The following DHX9 variants were observed in gnomAD, a reference collection of about 807,000 sequenced individuals.
DHX9 encodes the protein ATP-dependent RNA helicase A.
Under a neutral mutation model 148.7 loss-of-function variants are expected in DHX9, and 27 were observed. That is an observed-to-expected ratio of 0.18 (90% CI 0.13 to 0.25). The LOEUF (loss-of-function observed/expected upper bound fraction) is 0.25, where lower values mean the gene tolerates loss of function less well. Among genes scored for constraint, DHX9 ranks in the 10% least tolerant of loss-of-function variants. The pLI, the probability that DHX9 is intolerant of heterozygous loss-of-function variation, is 1.00. For missense variants in DHX9, 796 were observed against 1,559.6 expected (o/e 0.51, Z 8.25); for synonymous variants, 529 against 516.6 (o/e 1.02, Z -0.33).
At chr1:182,842,777 T>G in intron 2 of DHX9, 100 bp downstream of exon 2, 1 of 845,384 alleles carries the variant, frequency 1.2e-6, no homozygotes, top group South Asian at 1.9e-5. Flanking sequence ...TGTTGCACAT[T>G]AGGAAACGAC....
intron 14 of DHX9, among the ~76,000 whole-genome samples, chr1:182,868,407 T>A (rs548041145): frequency 6.6e-6 from 1 of 152,154 alleles, no homozygotes; most frequent in Non-Finnish European, 1.5e-5. Flanking sequence ...TTAACTGTTA[T>A]GCTTGAAATG....
In DHX9 at chr1:182,853,328, C is replaced by T. The variant is rs1355410426; in HGVS notation, c.387C>T (p.Ala129=). 1.9e-6 allele frequency: 3 copies of T among 1,612,990 alleles called. No individual in the cohort carries two copies. The highest frequency in any genetic ancestry group is 2.2e-5 in the East Asian group (1 of 44,846). Residue 129 remains alanine (A), a synonymous_variant, in exon 5 of 28, where the codon GCC becomes GCT. Coordinates refer to ENST00000367549, the MANE Select transcript of DHX9 (RefSeq NM_001357.5). ...CAGAAAATAATTCTGAGGTAGGGGC[C>T]TCTGGCTATGGTGTTCCTGGGCCCA... ...LKAENNSEVG[A]SGYGVPGPTW...
At chr1:182,864,770 A>G (rs1648215667) in intron 12 of DHX9, among the ~76,000 whole-genome samples, 1 of 152,180 alleles carries the variant, frequency 6.6e-6, no homozygotes, top group Non-Finnish European at 1.5e-5. Flanking sequence ...GCTTCTGATC[A>G]TGGTTTCTTA....
chr1:182,866,338 T>C (rs1648296748), intron 12 of DHX9, 106 bp from the exon 13 acceptor site: 2 of 1,108,094 alleles, frequency 1.8e-6, no homozygotes, highest in Non-Finnish European at 2.6e-6. Context: ...CTGTTAATTA[T>C]TCAACTAGCA....
chr1:182,854,651 G>T (rs1194489441), intron 6 of DHX9, among the ~76,000 whole-genome samples: 3 of 152,170 alleles, frequency 2.0e-5, no homozygotes, highest in African/African-American at 7.2e-5. Context: ...AAAACTGCCA[G>T]CTTTCCTAGG....
At chr1:182,866,306 A>G in intron 12 of DHX9, 138 bp from the exon 13 acceptor site, 2 of 887,080 alleles carry the variant, frequency 2.3e-6, no homozygotes, top group South Asian at 3.8e-5. Context: ...ACCAAATAGT[A>G]TTTTTTGTAC....
intron 12 of DHX9, among the ~76,000 whole-genome samples, chr1:182,863,144 A>G (rs1227085273): frequency 6.6e-6 from 1 of 152,218 alleles, no homozygotes; most frequent in Non-Finnish European, 1.5e-5. Flanking sequence ...GGTACTTTCT[A>G]ACTAGTCTCA....
intron 6 of DHX9, among the ~76,000 whole-genome samples, chr1:182,854,666 C>G (rs781068907): frequency 3.4e-4 from 52 of 152,232 alleles, no homozygotes; most frequent in Non-Finnish European, 3.2e-4. Context: ...CCTAGGAGTC[C>G]TAGTGAAATT....
At chr1:182,860,277 G>A in intron 12 of DHX9, 93 bp downstream of exon 12, 1 of 1,068,606 alleles carries the variant, frequency 9.4e-7, no homozygotes, top group Non-Finnish European at 1.3e-6. Flanking sequence ...TTAAGATTGA[G>A]AGAGCATTGT....
intron 6 of DHX9, chr1:182,855,480 C>CT (rs1668237789): frequency 1.2e-6 from 1 of 864,452 alleles, no homozygotes; most frequent in Non-Finnish European, 1.4e-6. Flanking sequence ...CACCAGAGGT[C>CT]TGTGTTCATA....
chr1:182,851,752 G>C (rs892467222), intron 3 of DHX9, among the ~76,000 whole-genome samples: 1 of 152,118 alleles, frequency 6.6e-6, no homozygotes, highest in African/African-American at 2.4e-5. Flanking sequence ...TTCTTAATAC[G>C]TAGTACTAAT....
In DHX9 at chr1:182,884,635, G is replaced by A. The variant is rs1024133487; in HGVS notation, c.3283G>A (p.Glu1095Lys). Residue 1095 changes from glutamate (E) to lysine (K), a missense_variant, in exon 27 of 28, where the codon GAA becomes AAA. Physicochemically the swap from Glu to Lys is moderately conservative, Grantham distance 56. Around this residue, in one of 14 missense-constraint regions of DHX9, gnomAD observed 86 missense variants for 156.3 expected, o/e 0.55. Coordinates refer to ENST00000367549, the MANE Select transcript of DHX9 (RefSeq NM_001357.5). ...DDWIKLQISH[E>K]AAACITGLRA... ...TAGGATTAAACTGCAAATATCTCAT[G>A]AAGCTGCTGCCTGTATCACTGGTCT... 7 of 1,613,944 alleles carry A rather than the reference G, an allele frequency of 4.3e-6. No homozygotes were observed. Among genetic ancestry groups the A allele is most frequent in the Non-Finnish European group, 5.1e-6 (6 of 1,180,022 alleles).
chr1:182,871,840 G>A (rs896746726), intron 14 of DHX9, among the ~76,000 whole-genome samples: 3 of 152,154 alleles, frequency 2.0e-5, no homozygotes, highest in African/African-American at 7.2e-5. Flanking sequence ...ATCACTTGAG[G>A]CCAGGAGTTT....
intron 8 of DHX9, 44 bp downstream of exon 8, chr1:182,858,284 C>G: frequency 6.3e-7 from 1 of 1,586,266 alleles, no homozygotes; most frequent in South Asian, 1.1e-5. Flanking sequence ...GTGTGAGATT[C>G]AATTTAGCTC....
At chr1:182,880,166 A>T (rs1357378995) in intron 21 of DHX9, among the ~76,000 whole-genome samples, 1 of 152,180 alleles carries the variant, frequency 6.6e-6, no homozygotes, top group African/African-American at 2.4e-5. Flanking sequence ...TATTTTTTTT[A>T]AAACATTAAC....
chr1:182,853,271 A>G, intron 4 of DHX9, 35 bp from the exon 5 acceptor site: 1 of 1,439,560 alleles, frequency 6.9e-7, no homozygotes, highest in Non-Finnish European at 9.7e-7. Context: ...TTCTACAGTT[A>G]TGACTCATTA....
intron 12 of DHX9, among the ~76,000 whole-genome samples, chr1:182,864,281 A>G (rs947475532): frequency 2.0e-5 from 3 of 152,122 alleles, no homozygotes; most frequent in African/African-American, 7.2e-5. Flanking sequence ...ATGGTGTCTC[A>G]CTGTGTTGCC....
chr1:182,855,620 G>C, intron 6 of DHX9: 1 of 985,480 alleles, frequency 1.0e-6, no homozygotes, highest in Non-Finnish European at 1.2e-6. Flanking sequence ...GCCTGGCTGA[G>C]AAACATACTG....
intron 6 of DHX9, among the ~76,000 whole-genome samples, chr1:182,854,522 T>C (rs1381567308): frequency 1.3e-5 from 2 of 152,186 alleles, no homozygotes; most frequent in Admixed American, 6.5e-5. Context: ...ATTTTTTTTT[T>C]CACCTTGGTA....
Sources: allele counts gnomAD v4.1 joint callset (sites outside exome capture counted in the v4.1 genomes callset), GRCh38; gene constraint gnomAD v4.1.1; regional missense constraint gnomAD v4.1.1; transcripts MANE v1.5; gene names NCBI Gene and HGNC (gene_info 2026-07-23, HGNC 2026-07-21).